Variants in CCSER1 observed in about 807,000 individuals in gnomAD.
The protein encoded by CCSER1 is serine-rich coiled-coil domain-containing protein 1.
Under a neutral mutation model 82.0 loss-of-function variants are expected in CCSER1, and 41 were observed. The observed-to-expected ratio is 0.50, with a 90% CI of 0.39 to 0.65. The LOEUF is 0.65. Among genes scored for constraint, CCSER1 ranks in the 30% least tolerant of loss-of-function variants. CCSER1 has a pLI of 0.00. For missense variants in CCSER1, 1,119 were observed against 1,064.2 expected (o/e 1.05, Z -0.72); for synonymous variants, 414 against 383.9 (o/e 1.08, Z -0.92).
intron 10 of CCSER1, among the ~76,000 whole-genome samples, chr4:91,405,651 C>T (rs987758711): frequency 1.3e-5 from 2 of 152,206 alleles, no homozygotes; most frequent in Non-Finnish European, 2.9e-5. Context: ...GTGAGCCTGG[C>T]TCCGTGGCAT....
intron 10 of CCSER1, among the ~76,000 whole-genome samples, chr4:91,291,274 G>A (rs1204637042): frequency 6.6e-6 from 1 of 151,922 alleles, no homozygotes; most frequent in East Asian, 1.9e-4. Context: ...TTTAGATTTA[G>A]CAGTTAGGGC....
At chr4:90,971,630 GA>G (rs1735118673) in intron 9 of CCSER1, among the ~76,000 whole-genome samples, 2 of 151,898 alleles carry the variant, frequency 1.3e-5, no homozygotes, top group Admixed American at 6.6e-5. Context: ...CAAAAAAATT[GA>G]AAAGGACAGT....
chr4:91,296,198 A>G (rs1219920056), intron 10 of CCSER1, among the ~76,000 whole-genome samples: 1 of 151,714 alleles, frequency 6.6e-6, no homozygotes. Context: ...ACTAAGATTA[A>G]CAAAGAATGT....
intron 4 of CCSER1, among the ~76,000 whole-genome samples, chr4:90,422,640 C>T (rs1292119824): frequency 4.6e-5 from 7 of 151,548 alleles, no homozygotes; most frequent in African/African-American, 4.8e-5. Flanking sequence ...GACCCTGTTT[C>T]GAAAACAGAA....
At chr4:91,133,107 T>C (rs1469065125) in intron 10 of CCSER1, among the ~76,000 whole-genome samples, 1 of 152,166 alleles carries the variant, frequency 6.6e-6, no homozygotes, top group African/African-American at 2.4e-5. Context: ...AACTAAGACT[T>C]TGTTTTAGTG....
At chr4:90,520,887 A>G (rs1424530687) in intron 5 of CCSER1, among the ~76,000 whole-genome samples, 4 of 152,226 alleles carry the variant, frequency 2.6e-5, no homozygotes, top group African/African-American at 9.6e-5. Context: ...AGCCTGGACA[A>G]CGGAGTGAGA....
chr4:90,607,747 A>G (rs1176581233), intron 5 of CCSER1, among the ~76,000 whole-genome samples: 1 of 152,190 alleles, frequency 6.6e-6, no homozygotes, highest in African/African-American at 2.4e-5. Flanking sequence ...CTAGGACTTC[A>G]AAATATAAAT....
chr4:90,924,802 C>T (rs1468459111), intron 9 of CCSER1, among the ~76,000 whole-genome samples: 2 of 152,152 alleles, frequency 1.3e-5, no homozygotes, highest in African/African-American at 4.8e-5. Flanking sequence ...TCTCGGCTCA[C>T]TGCAACCTCC....
At chr4:90,490,107 A>G (rs1767744947) in intron 5 of CCSER1, among the ~76,000 whole-genome samples, 1 of 152,204 alleles carries the variant, frequency 6.6e-6, no homozygotes, top group Admixed American at 6.5e-5. Flanking sequence ...ACTGTCTTCC[A>G]CAATGGTTGA....
rs192014239 is a variant in CCSER1, at chr4:91,162,558, C to A, written c.2217+76564C>A. Among the ~76,000 whole-genome samples, 676 of 152,214 alleles carry A rather than the reference C, an allele frequency of 4.4e-3. 8 individuals carry two copies. Among genetic ancestry groups the A allele is most frequent in the African/African-American group, 0.015 (623 of 41,530 alleles). Reference sequence around the variant, plus strand: ...GAATTTGGCTGTGAATCCGTCTGGTCCCGGACTTTTTTTGGTTGCTAGGCT... The same window carrying A: ...GAATTTGGCTGTGAATCCGTCTGGTACCGGACTTTTTTTGGTTGCTAGGCT... On this transcript the variant is annotated intron_variant, in intron 10 of 10. Transcript: ENST00000509176.
intron 1 of CCSER1, among the ~76,000 whole-genome samples, chr4:90,183,976 G>A (rs1734162040): frequency 6.6e-6 from 1 of 152,006 alleles, no homozygotes; most frequent in Admixed American, 6.6e-5. Context: ...CCTCTACAAA[G>A]AGAAAACAGT....
At chr4:91,006,925 G>T (rs1162248395) in intron 9 of CCSER1, among the ~76,000 whole-genome samples, 2 of 152,048 alleles carry the variant, frequency 1.3e-5, no homozygotes, top group Non-Finnish European at 1.5e-5. Context: ...ATAATATATG[G>T]TTTTTATTGG....
At chr4:90,699,384 G>T (rs2149268201) in intron 6 of CCSER1, among the ~76,000 whole-genome samples, 1 of 152,254 alleles carries the variant, frequency 6.6e-6, no homozygotes, top group African/African-American at 2.4e-5. Context: ...AGAATCTCTT[G>T]AACCTGGGAG....
intron 8 of CCSER1, among the ~76,000 whole-genome samples, chr4:90,907,082 G>T (rs1439379311): frequency 6.6e-6 from 1 of 152,128 alleles, no homozygotes; most frequent in African/African-American, 2.4e-5. Flanking sequence ...TCTCTGAACT[G>T]AAGTGACCTA....
At chr4:91,143,485 G>T (rs533805579) in intron 10 of CCSER1, among the ~76,000 whole-genome samples, 6 of 152,114 alleles carry the variant, frequency 3.9e-5, no homozygotes, top group Non-Finnish European at 8.8e-5. Context: ...TATCTTGCCT[G>T]ATTGCTCTAA....
chr4:91,142,696 G>A (rs1046666806), intron 10 of CCSER1, among the ~76,000 whole-genome samples: 1 of 152,112 alleles, frequency 6.6e-6, no homozygotes, highest in East Asian at 1.9e-4. Flanking sequence ...TCTTCTGCAT[G>A]TAGTTAGCCA....
At chr4:90,262,277 G>A (rs1238018806) in intron 1 of CCSER1, among the ~76,000 whole-genome samples, 2 of 151,970 alleles carry the variant, frequency 1.3e-5, no homozygotes, top group Non-Finnish European at 2.9e-5. Context: ...TGAGGATGTG[G>A]CTTTAATGTT....
chr4:91,588,221 G>A (rs1381383040), intron 10 of CCSER1, among the ~76,000 whole-genome samples: 1 of 151,024 alleles, frequency 6.6e-6, no homozygotes, highest in African/African-American at 2.4e-5. Context: ...CAAAGAAAAT[G>A]ATTTGCTTTG....
intron 5 of CCSER1, among the ~76,000 whole-genome samples, chr4:90,569,269 G>A (rs929148884): frequency 6.6e-6 from 1 of 152,008 alleles, no homozygotes; most frequent in African/African-American, 2.4e-5. Flanking sequence ...TCATGGATAA[G>A]CAGAACCCAG....
Sources: gnomAD v4.1 joint callset for allele counts (sites outside exome capture counted in the v4.1 genomes callset) on GRCh38, gnomAD v4.1.1 for gene constraint, MANE v1.5 for transcripts, NCBI Gene and HGNC (gene_info 2026-07-23, HGNC 2026-07-21) for gene names.